The following SCN11A variants were observed in gnomAD, a reference collection of about 807,000 sequenced individuals.
The protein encoded by SCN11A is sodium channel protein type 11 subunit alpha.
A neutral mutation model predicts 162.2 loss-of-function variants in SCN11A; 122 were observed. The ratio of observed to expected loss-of-function variants is 0.75; its 90% CI spans 0.65 to 0.87. SCN11A has a LOEUF of 0.87. Ranked by LOEUF, SCN11A falls within the 40% of genes least tolerant of loss-of-function variation. The pLI, the probability that SCN11A is intolerant of heterozygous loss-of-function variation, is 0.00. For synonymous variants in SCN11A, 758 were observed against 751.5 expected (o/e 1.01, Z -0.14); for missense variants, 2,015 against 2,181.6 (o/e 0.92, Z 1.52).
intron 5 of SCN11A, 21 bp downstream of exon 5, chr3:38,950,075 C>CACCA (rs781548091): frequency 9.2e-6 from 1 of 109,110 alleles, no homozygotes; most frequent in African/African-American, 3.8e-5. Context: ...CCCCACCCCC[C>CACCA]CCCCCCGCCC....
chr3:38,885,358 A>G lies in SCN11A; in HGVS notation c.2994T>C (p.Asp998=), dbSNP rs754935144. 9 of 1,613,408 alleles carry G rather than the reference A, an allele frequency of 5.6e-6. No homozygotes were observed. Among genetic ancestry groups the G allele is most frequent in the Non-Finnish European group, 7.6e-6 (9 of 1,179,426 alleles). ...TSILSECSTI[D]LQDGFGWLPE... is the part of the protein sequence containing the mutation. ...GTAACCATCCAAAGCCATCCTGAAGATCAATGGTGCTACATTCTGATAGTA... is the reference window on the plus strand; with the variant it reads ...GTAACCATCCAAAGCCATCCTGAAGGTCAATGGTGCTACATTCTGATAGTA... The change falls in exon 21 of 30, where the codon GAT becomes GAC. Residue 998 remains aspartate (D), a synonymous_variant. Transcript: ENST00000302328.
chr3:39,046,979 C>T (rs2032196984), intron 1 of SCN11A, among the ~76,000 whole-genome samples: 1 of 151,464 alleles, frequency 6.6e-6, no homozygotes, highest in African/African-American at 2.4e-5. Context: ...CCTCAGCCTC[C>T]CAGAGTGCTG....
intron 25 of SCN11A, among the ~76,000 whole-genome samples, chr3:38,871,052 G>A (rs1193432621): frequency 2.0e-5 from 3 of 152,182 alleles, no homozygotes; most frequent in Non-Finnish European, 4.4e-5. Context: ...AGAGTTAAAG[G>A]GTTCTTTTCT....
At chr3:39,006,086 T>C (rs1390732353) in intron 2 of SCN11A, among the ~76,000 whole-genome samples, 1 of 152,254 alleles carries the variant, frequency 6.6e-6, no homozygotes, top group Non-Finnish European at 1.5e-5. Flanking sequence ...TCTTTTTTGT[T>C]CAATGTTTTT....
At chr3:38,953,250 C>T (rs943079188) in intron 4 of SCN11A, among the ~76,000 whole-genome samples, 48 of 151,756 alleles carry the variant, frequency 3.2e-4, no homozygotes, top group African/African-American at 1.1e-3. Context: ...CACACTGAGG[C>T]CCATGGGAAG....
At position 38,896,667 on chromosome 3, in the gene SCN11A, G is replaced by T. The variant is rs1028802420; in HGVS notation, c.2403+178C>A. ...CAAATGAGTAATATGTGTCAAAGAG[G>T]TTTTTTCATGCTTATCATACTTTTC... is the stretch of plus-strand genomic sequence containing the variant. On this transcript the variant is annotated intron_variant, in intron 18 of 29. Coordinates refer to ENST00000302328, the MANE Select transcript of SCN11A (RefSeq NM_001349253.2). Among the ~76,000 whole-genome samples, 6 of 151,914 alleles carry T rather than the reference G, an allele frequency of 3.9e-5. No homozygotes were observed. The East Asian group carries it at 7.7e-4, about 20-fold the overall frequency.
intron 7 of SCN11A, among the ~76,000 whole-genome samples, chr3:38,929,032 C>A (rs1446514486): frequency 6.6e-6 from 1 of 152,034 alleles, no homozygotes; most frequent in Non-Finnish European, 1.5e-5. Context: ...GTGGAAGCAA[C>A]CCAAATGCCC....
intron 15 of SCN11A, 58 bp from the exon 16 acceptor site, chr3:38,904,161 T>G: frequency 9.0e-7 from 1 of 1,106,586 alleles, no homozygotes; most frequent in South Asian, 1.7e-5. Flanking sequence ...CAGATGCCCT[T>G]TGCCTGAGTG....
chr3:38,868,153 A>C (rs2065071288), intron 26 of SCN11A, among the ~76,000 whole-genome samples: 1 of 152,230 alleles, frequency 6.6e-6, no homozygotes, highest in African/African-American at 2.4e-5. Flanking sequence ...AAGCACTTTC[A>C]GGCAGGTGGC....
chr3:38,910,247 C>T lies in SCN11A; in HGVS notation c.960-40G>A. On this transcript the variant is annotated intron_variant, in intron 11 of 29. Transcript: ENST00000302328. ...CAAACAGAGAAATAATTATGTACGC[C>T]ACAGCCAAGCTTCTTTTTCCTTCCA... 3.8e-6 allele frequency: 6 copies of T among 1,586,970 alleles called. No individual in the cohort carries two copies. In the South Asian group the frequency reaches 6.9e-5, roughly 18 times the overall value.
chr3:38,901,519 C>A (rs1305149551), intron 16 of SCN11A, among the ~76,000 whole-genome samples: 1 of 152,228 alleles, frequency 6.6e-6, no homozygotes, highest in Non-Finnish European at 1.5e-5. Context: ...TTTGTCAATT[C>A]AATCCAACTT....
intron 2 of SCN11A, among the ~76,000 whole-genome samples, chr3:38,980,798 T>C (rs1266053055): frequency 6.6e-6 from 1 of 152,194 alleles, no homozygotes; most frequent in Non-Finnish European, 1.5e-5. Context: ...CTGACTGATA[T>C]CCAGGGCAGC....
Position 38,974,825 on chromosome 3 carries a change from A to C in SCN11A, c.-279-14402T>G, listed in dbSNP as rs953325589. Among the ~76,000 whole-genome samples, 8 of 152,004 alleles carry C rather than the reference A, an allele frequency of 5.3e-5. 1 individual carries two copies. The highest frequency in any genetic ancestry group is 3.9e-4 in the Admixed American group (6 of 15,234). On this transcript the variant is annotated intron_variant, in intron 2 of 29. Transcript: ENST00000302328. Reference sequence around the variant, plus strand: ...CGAAGTGTATTATAACAATGGAGAAATTTCCAGAATTATTAGGAAATGCCA... The same window carrying C: ...CGAAGTGTATTATAACAATGGAGAACTTTCCAGAATTATTAGGAAATGCCA...
rs1310638619 is a variant in SCN11A, at chr3:38,883,217, G to A, written c.3219+16C>T. ...GCCCTGATGCCCAATGTCTCCACAA[G>A]ACAATGATGATTTACCAGTGCCCCA... is the stretch of plus-strand genomic sequence containing the variant. On this transcript the variant is annotated intron_variant, in intron 22 of 29. Transcript: ENST00000302328. 1 of 1,607,826 alleles carries A rather than the reference G, an allele frequency of 6.2e-7. No homozygotes were observed. Among genetic ancestry groups the A allele is most frequent in the Admixed American group, 1.7e-5 (1 of 59,612 alleles).
At chr3:38,977,715 T>C (rs1303964244) in intron 2 of SCN11A, among the ~76,000 whole-genome samples, 4 of 152,206 alleles carry the variant, frequency 2.6e-5, no homozygotes, top group African/African-American at 9.6e-5. Context: ...CAACATGCCT[T>C]GGAGCTTCCC....
intron 3 of SCN11A, among the ~76,000 whole-genome samples, chr3:38,960,024 C>A (rs1034920549): frequency 2.6e-5 from 4 of 152,116 alleles, no homozygotes; most frequent in African/African-American, 7.2e-5. Context: ...GGGTTGCAAG[C>A]GCCTATTAGG....
intron 2 of SCN11A, among the ~76,000 whole-genome samples, chr3:38,997,489 A>G (rs928973406): frequency 3.9e-5 from 6 of 152,218 alleles, no homozygotes; most frequent in Non-Finnish European, 5.9e-5. Context: ...TCCTCATGCT[A>G]TGCTTTATTT....
At chr3:38,931,345 G>A (rs11920535) in intron 7 of SCN11A, among the ~76,000 whole-genome samples, 2,898 of 152,178 alleles carry the variant, frequency 0.019, 93 homozygotes, top group African/African-American at 0.066. Context: ...GAGACATATA[G>A]ACCAAACCAG....
chr3:39,047,012 C>G (rs111259313), intron 1 of SCN11A, among the ~76,000 whole-genome samples: 18,541 of 140,116 alleles, frequency 0.13, 2,782 homozygotes, highest in African/African-American at 0.36. Context: ...TGAGCCATTG[C>G]ACACAGCCCC....
Sources: allele counts gnomAD v4.1 joint callset (sites outside exome capture counted in the v4.1 genomes callset), GRCh38; gene constraint gnomAD v4.1.1; transcripts MANE v1.5; gene names NCBI Gene and HGNC (gene_info 2026-07-23, HGNC 2026-07-21).